C1R: variants seen among roughly 807,000 people sequenced by gnomAD.
C1R encodes complement C1r subcomponent.
In C1R, 15 loss-of-function variants were observed where a neutral mutation model predicts 27.6. The ratio of observed to expected loss-of-function variants is 0.54; its 90% CI spans 0.36 to 0.84. The LOEUF (loss-of-function observed/expected upper bound fraction) is 0.84. Among genes scored for constraint, C1R ranks in the 40% least tolerant of loss-of-function variants. C1R has a pLI of 0.01. For missense variants in C1R, 544 were observed against 577.9 expected, an observed-to-expected ratio of 0.94 and a Z score of 0.60; for synonymous variants, 253 against 228.8, an observed-to-expected ratio of 1.11 and a Z score of -0.95.
intron 1 of C1R, 25 bp downstream of exon 1, chr12:7,092,362 C>G (rs537026799): frequency 2.0e-5 from 16 of 780,878 alleles, no homozygotes; most frequent in East Asian, 1.9e-4. Flanking sequence ...TCCCTCCCAC[C>G]TGGTTGCCCA....
intron 9 of C1R, among the ~76,000 whole-genome samples, chr12:7,085,631 TGTG>T (rs1162492034): frequency 1.3e-5 from 2 of 151,964 alleles, no homozygotes; most frequent in African/African-American, 2.4e-5. Flanking sequence ...GTGGGGATGA[TGTG>T]GTGACAGTGA....
In C1R at chr12:7,089,834, C is replaced by T. The variant is rs768646357; in HGVS notation, c.425-101G>A. 3 of 719,148 alleles carry T rather than the reference C, an allele frequency of 4.2e-6. No homozygotes were observed. In the East Asian group the frequency reaches 8.0e-5, roughly 19 times the overall value. 44.5% of individuals were successfully genotyped at this position (719,148 alleles called of 1,614,324 possible). A position where few individuals can be genotyped will look rare whatever the true frequency, so the allele number is the denominator to read the frequency against. On this transcript the variant is annotated intron_variant, in intron 3 of 10. Coordinates refer to ENST00000647956, the MANE Select transcript of C1R (RefSeq NM_001733.7). ...CTCACCAGAGACCTAAAGACAAAGG[C>T]ATCTTTAGGCCACCTGGACCTCCAG...
Position 7,091,563 on chromosome 12 carries a change from G to T in C1R, c.120C>A (p.Asn40Lys), listed in dbSNP as rs752945595. 1.3e-6 allele frequency: 1 copy of T among 777,424 alleles called. No homozygotes were observed. The highest frequency in any genetic ancestry group is 2.4e-6 in the Non-Finnish European group (1 of 416,486). 48.2% of individuals were successfully genotyped at this position (777,424 alleles called of 1,614,324 possible). A position where few individuals can be genotyped will look rare whatever the true frequency, so the allele number is the denominator to read the frequency against. ...TSPLFPKPYP[N>K]NFETTTVITV... ...TGATCACAGTGGTTGTTTCAAAGTTGTTGGGGTAAGGCTTGGGGAACAGAG... is the reference window on the plus strand; with the variant it reads ...TGATCACAGTGGTTGTTTCAAAGTTTTTGGGGTAAGGCTTGGGGAACAGAG... The change falls in exon 2 of 11, where the codon AAC (asparagine) becomes AAA (lysine). Residue 40 changes from asparagine to lysine, a missense_variant. Coordinates refer to ENST00000647956, the MANE Select transcript of C1R (RefSeq NM_001733.7). The surrounding 1 kb of genome is among the most constrained non-coding windows in gnomAD (Gnocchi z 5.1).
chr12:7,080,965 T>A lies in C1R; in HGVS notation c.1685A>T (p.Glu562Val), dbSNP rs772713406. ...YNFEGDIALLELENSVTLGPN... is the reference protein window; with the variant it reads ...YNFEGDIALLVLENSVTLGPN... ...ACCCAGGGTGACACTATTTTCCAGC[T>A]CCAGCAGGGCGATGTCCCCCTCAAA... Residue 562 changes from glutamate (E) to valine (V), a missense_variant, in exon 11 of 11, where the codon GAG (glutamate) becomes GTG (valine). Glu to Val is a moderately radical substitution (Grantham distance 121, BLOSUM62 -2). Around this residue, in one of 2 missense-constraint regions of C1R, gnomAD observed 253 missense variants for 368.9 expected, o/e 0.69. Coordinates refer to ENST00000647956, the MANE Select transcript of C1R (RefSeq NM_001733.7). The surrounding 1 kb of genome is among the most constrained non-coding windows in gnomAD (Gnocchi z 4.9). 8.7e-6 allele frequency: 14 copies of A among 1,613,326 alleles called. No homozygotes were observed. Among genetic ancestry groups the A allele is most frequent in the African/African-American group, 1.3e-5 (1 of 74,888 alleles).
chr12:7,082,136 G>T, intron 9 of C1R, 30 bp from the exon 10 acceptor site: 1 of 1,266,174 alleles, frequency 7.9e-7, no homozygotes, highest in Non-Finnish European at 1.1e-6. Flanking sequence ...GAATCAAGTT[G>T]GGGGGTGATG....
Position 7,089,279 on chromosome 12 carries a change from T to C in C1R, c.768+14A>G, listed in dbSNP as rs1238272079. 2.6e-6 allele frequency: 2 copies of C among 778,692 alleles called. No individual in the cohort carries two copies. Among genetic ancestry groups the C allele is most frequent in the East Asian group, 4.9e-5 (2 of 41,184 alleles). The allele number at this position is 778,692 out of a possible 1,614,324, so 48.2% of individuals were successfully genotyped here. A position where few individuals can be genotyped will look rare whatever the true frequency, so the allele number is the denominator to read the frequency against. ...AGGGGAGGAAGGGGTCTTTCAGGGGTAGGACGGCTGTACCTGTAGCTGGTC... is the reference window on the plus strand; with the variant it reads ...AGGGGAGGAAGGGGTCTTTCAGGGGCAGGACGGCTGTACCTGTAGCTGGTC... On this transcript the variant is annotated intron_variant, in intron 5 of 10. Coordinates refer to ENST00000647956, the MANE Select transcript of C1R (RefSeq NM_001733.7).
chr12:7,081,109 T>C lies in C1R; in HGVS notation c.1541A>G (p.Asn514Ser), dbSNP rs1305246309. The change falls in exon 11 of 11, where the codon AAC becomes AGC. Residue 514 changes from asparagine (N) to serine (S), a missense_variant. Asn to Ser is a conservative substitution (Grantham distance 46). Coordinates refer to ENST00000647956, the MANE Select transcript of C1R (RefSeq NM_001733.7). ...LYPKEHEAQS[N>S]ASLDVFLGHT... Reference sequence around the variant, plus strand: ...GCCCAGGAACACATCCAAAGAGGCGTTGCTTTGCGCTTCGTGTTCCTTGGG... The same window carrying C: ...GCCCAGGAACACATCCAAAGAGGCGCTGCTTTGCGCTTCGTGTTCCTTGGG... 1 of 1,613,914 alleles carries C rather than the reference T, an allele frequency of 6.2e-7. No individual in the cohort carries two copies. Among genetic ancestry groups the C allele is most frequent in the Non-Finnish European group, 8.5e-7 (1 of 1,179,896 alleles).
At chr12:7,088,808 G>T (rs1938198444) in intron 6 of C1R, 31 bp downstream of exon 6, 1 of 773,288 alleles carries the variant, frequency 1.3e-6, no homozygotes, top group South Asian at 1.4e-5. Flanking sequence ...CCCATTGCTG[G>T]CCATCGAGGG....
Position 7,080,817 on chromosome 12 carries a change from A to G in C1R, c.1833T>C (p.Arg611=), listed in dbSNP as rs1267074661. The G allele has an allele frequency of 1.2e-6, 2 of 1,613,916 alleles. No individual in the cohort carries two copies. The highest frequency in any genetic ancestry group is 2.7e-5 in the African/African-American group (2 of 75,022). ...AGGCCTGTGGATTAGCTACGGGCAG[A>G]CGGACAAACCTGAGGTCATGAGCAA... is the stretch of plus-strand genomic sequence containing the variant. ...EKIAHDLRFV[R]LPVANPQACE... The change falls in exon 11 of 11, where the codon CGT becomes CGC. Residue 611 remains arginine, a synonymous_variant. Coordinates refer to ENST00000647956, the MANE Select transcript of C1R (RefSeq NM_001733.7). This position sits in a 1 kb window ranked among gnomAD's most constrained non-coding sequence, Gnocchi z 4.9.
intron 10 of C1R, 86 bp from the exon 11 acceptor site, chr12:7,081,387 C>T (rs1224269825): frequency 7.7e-7 from 1 of 1,298,600 alleles, no homozygotes; most frequent in African/African-American, 1.5e-5. Flanking sequence ...CCCTGTTTGC[C>T]CTCTCTTTTT....
At position 7,089,293 on chromosome 12, in the gene C1R, C is replaced by A; in HGVS notation, c.768G>T (p.Gln256His). Residue 256 changes from glutamine (Q) to histidine (H), a missense_variant and splice_region_variant, in exon 5 of 11, where the codon CAG (glutamine) becomes CAT (histidine). By Grantham distance (24) the Gln-to-His change is conservative (BLOSUM62 0). Transcript: ENST00000647956. Reference protein sequence around the residue: ...QQVHCPYDQLQIYANGKNIGE... With the variant: ...QQVHCPYDQLHIYANGKNIGE... ...TCTTTCAGGGGTAGGACGGCTGTAC[C>A]TGTAGCTGGTCATAGGGGCAGTGTA... The A allele has an allele frequency of 5.1e-6, 4 of 780,076 alleles. No individual in the cohort carries two copies. The highest frequency in any genetic ancestry group is 7.2e-6 in the Non-Finnish European group (3 of 417,810). 48.3% of individuals were successfully genotyped at this position (780,076 alleles called of 1,614,324 possible).
rs1223979916 is a variant in C1R, at chr12:7,091,727, CT to C, written c.3-48del. 4.2e-6 allele frequency: 3 copies of C among 718,390 alleles called. No individual in the cohort carries two copies. Among genetic ancestry groups the C allele is most frequent in the Non-Finnish European group, 7.8e-6 (3 of 385,272 alleles). 44.5% of individuals were successfully genotyped at this position (718,390 alleles called of 1,614,324 possible). Reference sequence around the variant, plus strand: ...TCTGGAGCTGGAGGGGTTCAGCACTCTTGCCATGTGGGCAGTGGCTGTGGCA... The same window carrying C: ...TCTGGAGCTGGAGGGGTTCAGCACTCTGCCATGTGGGCAGTGGCTGTGGCA... On this transcript the variant is annotated intron_variant, in intron 1 of 10. Transcript: ENST00000647956. The surrounding 1 kb of genome is among the most constrained non-coding windows in gnomAD (Gnocchi z 5.1).
Position 7,080,550 on chromosome 12 carries a change from C to T in C1R, c.2100G>A (p.Glu700=), listed in dbSNP as rs142443527. 597 of 1,572,596 alleles carry T rather than the reference C, an allele frequency of 3.8e-4. 3 individuals are homozygous for T. The African/African-American group carries it at 7.5e-3, about 20-fold the overall frequency. Residue 700 remains glutamate, a synonymous_variant, in exon 11 of 11, where the codon GAG becomes GAA. Coordinates refer to ENST00000647956, the MANE Select transcript of C1R (RefSeq NM_001733.7). The surrounding 1 kb of genome is among the most constrained non-coding windows in gnomAD (Gnocchi z 4.9). ...TCTGGGCTCAGTCCTCCTCCTCCAT[C>T]TCTTTCTTGATCCAGTCCACGTAGT... ...VLNYVDWIKK[E]MEEED
At chr12:7,087,269 G>C (rs1938170905) in intron 7 of C1R, 1 of 152,436 alleles carries the variant, frequency 6.6e-6, no homozygotes, top group African/African-American at 2.4e-5. Context: ...GGTGGCTGAG[G>C]CACTTGAATA....
At chr12:7,082,449 A>G (rs369660599) in intron 9 of C1R, among the ~76,000 whole-genome samples, 1 of 152,078 alleles carries the variant, frequency 6.6e-6, no homozygotes, top group East Asian at 1.9e-4. Flanking sequence ...CTCCTGCCTC[A>G]GCCTCCCAAG....
intron 9 of C1R, among the ~76,000 whole-genome samples, chr12:7,082,578 G>T (rs1938085086): frequency 6.6e-6 from 1 of 152,090 alleles, no homozygotes; most frequent in South Asian, 2.1e-4. Flanking sequence ...TGATCCACCT[G>T]CCTCGGTCTC....
chr12:7,082,939 C>G (rs1264534524), intron 9 of C1R, among the ~76,000 whole-genome samples: 1 of 152,112 alleles, frequency 6.6e-6, no homozygotes, highest in African/African-American at 2.4e-5. Flanking sequence ...AGTGCCAGAA[C>G]CAAGGTGCAA....
rs149347176 is a variant in C1R, at chr12:7,088,774, G to A, written c.917-43C>T. ...GGGCATATTTATTTCAGAGCCACTTGTCCTTCCTTCTTCCCCCCTTTTCCC... is the reference window on the plus strand; with the variant it reads ...GGGCATATTTATTTCAGAGCCACTTATCCTTCCTTCTTCCCCCCTTTTCCC... On this transcript the variant is annotated intron_variant, in intron 6 of 10. Coordinates refer to ENST00000647956, the MANE Select transcript of C1R (RefSeq NM_001733.7). 2.1e-5 allele frequency: 16 copies of A among 775,994 alleles called. No individual in the cohort carries two copies. In the African/African-American group the frequency reaches 2.4e-4, roughly 11 times the overall value. 48.1% of individuals were successfully genotyped at this position (775,994 alleles called of 1,614,324 possible). A position where few individuals can be genotyped will look rare whatever the true frequency, so the allele number is the denominator to read the frequency against.
chr12:7,086,929 A>G (rs1361051698), intron 7 of C1R: 3 of 152,776 alleles, frequency 2.0e-5, no homozygotes, highest in Non-Finnish European at 2.9e-5. Flanking sequence ...CCTTCCCTAA[A>G]ATACTAGAGC....
Sources: gnomAD v4.1 joint callset for allele counts (sites outside exome capture counted in the v4.1 genomes callset) on GRCh38, gnomAD v4.1.1 for gene constraint, gnomAD v4.1.1 regional missense constraint, Gnocchi (gnomAD v3.1) non-coding constraint, MANE v1.5 for transcripts, NCBI Gene and HGNC (gene_info 2026-07-23, HGNC 2026-07-21) for gene names.